Variants in CTNNA2 observed in about 807,000 individuals in gnomAD.
The protein encoded by CTNNA2 is catenin alpha 2, also known as catenin alpha-2.
In CTNNA2, 42 loss-of-function variants were observed where a neutral mutation model predicts 101.0. The observed-to-expected ratio is 0.42, with a 90% CI of 0.32 to 0.54. The LOEUF (loss-of-function observed/expected upper bound fraction) is 0.54, where lower values mean the gene tolerates loss of function less well. Among genes scored for constraint, CTNNA2 ranks in the 20% least tolerant of loss-of-function variants. The probability of loss-of-function intolerance (pLI) is 0.14; values close to 1 mark genes in which losing one functional copy is unlikely to be tolerated. For synonymous variants in CTNNA2, 450 were observed against 456.4 expected (o/e 0.99, Z 0.18); for missense variants, 871 against 1,223.1 (o/e 0.71, Z 4.29).
At chr2:80,055,162 G>A (rs529175357) in intron 7 of CTNNA2, among the ~76,000 whole-genome samples, 28 of 151,944 alleles carry the variant, frequency 1.8e-4, no homozygotes, top group Non-Finnish European at 2.9e-4. Flanking sequence ...AAATAGCTGC[G>A]ACTACAGGCG....
intron 7 of CTNNA2, among the ~76,000 whole-genome samples, chr2:80,183,278 G>C (rs1210326602): frequency 4.6e-5 from 7 of 152,050 alleles, no homozygotes; most frequent in African/African-American, 1.4e-4. Flanking sequence ...TTACAGATGT[G>C]GAAATGGAGG....
At chr2:79,994,195 G>A (rs1376413275) in intron 7 of CTNNA2, among the ~76,000 whole-genome samples, 2 of 152,246 alleles carry the variant, frequency 1.3e-5, no homozygotes, top group Admixed American at 6.5e-5. Flanking sequence ...GGGATTATAG[G>A]CATGAGCCAC....
chr2:79,706,722 A>G (rs1685406804), intron 2 of CTNNA2, among the ~76,000 whole-genome samples: 1 of 152,148 alleles, frequency 6.6e-6, no homozygotes, highest in Non-Finnish European at 1.5e-5. Flanking sequence ...AAAGTATAAG[A>G]AAATCTTGGG....
chr2:80,618,799 G>T (rs543956927), intron 17 of CTNNA2: 2 of 228,698 alleles, frequency 8.7e-6, no homozygotes, highest in East Asian at 1.7e-4. Flanking sequence ...CCCCACTATA[G>T]TTGTCCCATT....
intron 2 of CTNNA2, among the ~76,000 whole-genome samples, chr2:79,296,706 C>T (rs1276312173): frequency 6.6e-6 from 1 of 152,104 alleles, no homozygotes; most frequent in Admixed American, 6.6e-5. Flanking sequence ...CACTCTCTGC[C>T]CTCACCTCCC....
chr2:79,860,475 A>G (rs1210274634), intron 4 of CTNNA2, among the ~76,000 whole-genome samples: 1 of 150,720 alleles, frequency 6.6e-6, no homozygotes, highest in African/African-American at 2.5e-5. Context: ...CTGTTGGCTC[A>G]TCAGATCACA....
intron 2 of CTNNA2, among the ~76,000 whole-genome samples, chr2:79,742,251 A>C (rs190383959): frequency 1.4e-3 from 207 of 152,138 alleles, no homozygotes; most frequent in African/African-American, 4.7e-3. Flanking sequence ...GTCGTGTAGC[A>C]ATTTTGGTAG....
intron 7 of CTNNA2, among the ~76,000 whole-genome samples, chr2:80,081,085 A>AT (rs1421917441): frequency 1.3e-5 from 2 of 150,466 alleles, no homozygotes; most frequent in Admixed American, 1.3e-4. Flanking sequence ...GTACATTAAT[A>AT]TTTTAAATGT....
Position 80,018,462 on chromosome 2 carries a change from AG to A in CTNNA2, c.1056+108667del, listed in dbSNP as rs370221150. 3.2e-3 allele frequency among the ~76,000 whole-genome samples: 490 copies of A among 152,226 alleles called. 3 individuals are homozygous for A. Among genetic ancestry groups the A allele is most frequent in the African/African-American group, 0.011 (471 of 41,542 alleles). ...GGCCATGGCGGGAGTATTTACACAA[AG>A]GAAGTCAGTAAATATTATAAATCAG... On this transcript the variant is annotated intron_variant, in intron 7 of 18. Coordinates refer to ENST00000402739, the MANE Select transcript of CTNNA2 (RefSeq NM_001282597.3).
chr2:79,827,847 G>A (rs1427315578), intron 3 of CTNNA2, among the ~76,000 whole-genome samples: 1 of 152,146 alleles, frequency 6.6e-6, no homozygotes, highest in Non-Finnish European at 1.5e-5. Flanking sequence ...TGAATTGCCT[G>A]GTAAATACCA....
intron 2 of CTNNA2, among the ~76,000 whole-genome samples, chr2:79,309,940 T>G (rs773162701): frequency 1.3e-5 from 2 of 152,218 alleles, no homozygotes; most frequent in Non-Finnish European, 2.9e-5. Flanking sequence ...CTCACATTTT[T>G]ATTAGTCAAT....
At chr2:80,294,470 CCCTGACCCCA>C in intron 7 of CTNNA2, among the ~76,000 whole-genome samples, 1 of 151,436 alleles carries the variant, frequency 6.6e-6, no homozygotes. Context: ...CCCCATGGAG[CCCTGACCCCA>C]TGGAGCCCAG....
At chr2:79,593,180 C>T (rs74499125) in intron 1 of CTNNA2, among the ~76,000 whole-genome samples, 3,649 of 152,290 alleles carry the variant, frequency 0.024, 145 homozygotes, top group African/African-American at 0.081. Context: ...TCTTCCTCAT[C>T]CTGCCTGGAC....
chr2:79,663,703 T>C (rs1177019839), intron 2 of CTNNA2, among the ~76,000 whole-genome samples: 1 of 152,200 alleles, frequency 6.6e-6, no homozygotes, highest in Non-Finnish European at 1.5e-5. Context: ...TCAGAACACT[T>C]GTTACTATTT....
At chr2:79,836,453 A>G (rs567335396) in intron 3 of CTNNA2, among the ~76,000 whole-genome samples, 1 of 152,328 alleles carries the variant, frequency 6.6e-6, no homozygotes, top group South Asian at 2.1e-4. Context: ...ATTTCACAGA[A>G]GTGAGGTGCA....
chr2:79,514,918 A>T (rs906292536), intron 1 of CTNNA2, among the ~76,000 whole-genome samples: 1 of 152,178 alleles, frequency 6.6e-6, no homozygotes, highest in African/African-American at 2.4e-5. Flanking sequence ...AAATTATTAT[A>T]TGACAGTAGT....
rs563502315 is a variant in CTNNA2, at chr2:80,084,672, A to G, written c.1056+174875A>G. ...CCAGGATGGTATAAGACAATCTTGCATGAATACATTAATTAACTACTTAGG... is the reference window on the plus strand; with the variant it reads ...CCAGGATGGTATAAGACAATCTTGCGTGAATACATTAATTAACTACTTAGG... On this transcript the variant is annotated intron_variant, in intron 7 of 18. Transcript: ENST00000402739. 4.6e-5 allele frequency among the ~76,000 whole-genome samples: 7 copies of G among 152,246 alleles called. No individual in the cohort carries two copies. The East Asian group carries it at 1.4e-3, about 29-fold the overall frequency.
intron 13 of CTNNA2, among the ~76,000 whole-genome samples, chr2:80,580,147 A>G (rs1394465482): frequency 6.6e-6 from 1 of 152,212 alleles, no homozygotes; most frequent in African/African-American, 2.4e-5. Context: ...AATGGAGAAA[A>G]TAATGTCTAC....
intron 7 of CTNNA2, among the ~76,000 whole-genome samples, chr2:80,278,492 A>G (rs890465858): frequency 2.0e-5 from 3 of 152,152 alleles, no homozygotes; most frequent in African/African-American, 7.2e-5. Flanking sequence ...TCTTATCATC[A>G]TCCAGTCAGC....
Sources: allele counts gnomAD v4.1 joint callset (sites outside exome capture counted in the v4.1 genomes callset), GRCh38; gene constraint gnomAD v4.1.1; transcripts MANE v1.5; gene names NCBI Gene and HGNC (gene_info 2026-07-23, HGNC 2026-07-21).